The following SUCLG2 variants were observed in gnomAD, a reference collection of about 807,000 sequenced individuals.
The protein encoded by SUCLG2 is succinate-CoA ligase GDP-forming subunit beta, also known as succinate--CoA ligase [GDP-forming] subunit beta, mitochondrial.
Under a neutral mutation model 47.9 loss-of-function variants are expected in SUCLG2, and 42 were observed. The observed-to-expected ratio is 0.88, with a 90% confidence interval of 0.69 to 1.14. The LOEUF (loss-of-function observed/expected upper bound fraction) is 1.14, where lower values mean the gene tolerates loss of function less well. Ranked by LOEUF, SUCLG2 falls within the 50% of genes most tolerant of loss-of-function variation. SUCLG2 has a pLI of 0.00. For synonymous variants in SUCLG2, 195 were observed against 197.3 expected (o/e 0.99, Z 0.10); for missense variants, 571 against 525.9 (o/e 1.09, Z -0.84).
intron 1 of SUCLG2, among the ~76,000 whole-genome samples, chr3:67,618,057 TCA>T (rs1400242496): frequency 6.6e-6 from 1 of 152,112 alleles, no homozygotes; most frequent in African/African-American, 2.4e-5. Flanking sequence ...CACTCAACAA[TCA>T]CAGAAAAAGA....
chr3:67,376,734 T>C (rs1702041166), intron 10 of SUCLG2, among the ~76,000 whole-genome samples: 1 of 152,104 alleles, frequency 6.6e-6, no homozygotes, highest in Admixed American at 6.5e-5. Flanking sequence ...AATGGGTGGA[T>C]TGAAAAGATG....
intron 1 of SUCLG2, among the ~76,000 whole-genome samples, chr3:67,621,927 C>T (rs1559600892): frequency 6.6e-6 from 1 of 152,192 alleles, no homozygotes; most frequent in African/African-American, 2.4e-5. Context: ...CATTTCTGCA[C>T]ATCATTCCAC....
At chr3:67,507,567 A>C (rs1175991050) in intron 7 of SUCLG2, among the ~76,000 whole-genome samples, 1 of 152,196 alleles carries the variant, frequency 6.6e-6, no homozygotes, top group Non-Finnish European at 1.5e-5. Flanking sequence ...AGGCAGGCTA[A>C]ATAACTTGCC....
At chr3:67,552,137 C>T (rs932818279) in intron 2 of SUCLG2, among the ~76,000 whole-genome samples, 3 of 140,586 alleles carry the variant, frequency 2.1e-5, no homozygotes, top group African/African-American at 8.2e-5. Context: ...AAAACACTTG[C>T]ACTCCAGCCT....
intron 1 of SUCLG2, among the ~76,000 whole-genome samples, chr3:67,640,358 A>C (rs1701078932): frequency 6.6e-6 from 1 of 152,226 alleles, no homozygotes; most frequent in African/African-American, 2.4e-5. Flanking sequence ...TGAATGTTAA[A>C]CAGAGTTTAG....
intron 1 of SUCLG2, among the ~76,000 whole-genome samples, chr3:67,642,316 G>A (rs945513761): frequency 2.0e-5 from 3 of 152,122 alleles, no homozygotes; most frequent in African/African-American, 7.2e-5. Context: ...TTTAAAATGG[G>A]CTTAGTAGCT....
rs113924657 is a variant in SUCLG2 at position 67,601,732 on chromosome 3, A to C, written c.226+7723T>G. Among the ~76,000 whole-genome samples, 1,021 of 152,308 alleles carry C rather than the reference A, an allele frequency of 6.7e-3. 11 individuals are homozygous for C. The highest frequency in any genetic ancestry group is 0.023 in the African/African-American group (945 of 41,576). On this transcript the variant is annotated intron_variant, in intron 2 of 10. Coordinates refer to ENST00000307227, the MANE Select transcript of SUCLG2 (RefSeq NM_003848.4). Reference sequence around the variant, plus strand: ...TTCCCAACTTGGCCTCCCAAAGGCCAGCAATTTGGGAGGTCAAAGTGGGAA... The same window carrying C: ...TTCCCAACTTGGCCTCCCAAAGGCCCGCAATTTGGGAGGTCAAAGTGGGAA...
chr3:67,458,416 G>A (rs980585494), intron 9 of SUCLG2, among the ~76,000 whole-genome samples: 2 of 152,138 alleles, frequency 1.3e-5, no homozygotes, highest in Non-Finnish European at 2.9e-5. Flanking sequence ...CGAGGGGGTA[G>A]GGCTTTACTG....
chr3:67,421,167 C>A (rs1432360375), intron 9 of SUCLG2, among the ~76,000 whole-genome samples: 1 of 152,074 alleles, frequency 6.6e-6, no homozygotes, highest in Non-Finnish European at 1.5e-5. Context: ...TCTGACCATG[C>A]AGCTTACCCA....
chr3:67,446,417 ATTTTTTTTTTT>A (rs750956324), intron 9 of SUCLG2, among the ~76,000 whole-genome samples: 2,004 of 32,104 alleles, frequency 0.062, 21 homozygotes, highest in East Asian at 0.22. Context: ...ACATATGTAC[ATTTTTTTTTTT>A]TTTTTTTTTT....
intron 9 of SUCLG2, among the ~76,000 whole-genome samples, chr3:67,442,212 G>A (rs1270295766): frequency 3.3e-5 from 5 of 151,572 alleles, no homozygotes; most frequent in Non-Finnish European, 7.4e-5. Context: ...GGGTTTCACC[G>A]TTTTAGCCGG....
chr3:67,571,929 A>AT (rs1707623482), intron 2 of SUCLG2, among the ~76,000 whole-genome samples: 1 of 152,114 alleles, frequency 6.6e-6, no homozygotes, highest in Non-Finnish European at 1.5e-5. Flanking sequence ...TTGTGTGTCC[A>AT]TTTTCTTCAG....
chr3:67,490,207 A>T (rs907412545), intron 9 of SUCLG2, among the ~76,000 whole-genome samples: 7 of 152,234 alleles, frequency 4.6e-5, no homozygotes, highest in Non-Finnish European at 1.0e-4. Context: ...ATACGCATGT[A>T]TCTGAAAGAA....
chr3:67,457,026 A>G (rs888486399), intron 9 of SUCLG2, among the ~76,000 whole-genome samples: 8 of 152,246 alleles, frequency 5.3e-5, no homozygotes, highest in African/African-American at 1.9e-4. Context: ...GCAAAAAGAA[A>G]AACATTCAAG....
intron 2 of SUCLG2, among the ~76,000 whole-genome samples, chr3:67,584,968 G>A (rs1319202439): frequency 2.0e-5 from 3 of 152,124 alleles, no homozygotes; most frequent in Admixed American, 2.0e-4. Context: ...AATTCAAGAT[G>A]AGATTTAGGT....
At chr3:67,522,058 T>C (rs1000995590) in intron 4 of SUCLG2, among the ~76,000 whole-genome samples, 19 of 152,106 alleles carry the variant, frequency 1.2e-4, no homozygotes, top group African/African-American at 4.6e-4. Context: ...ATTTATTTAT[T>C]TGTTTATTCA....
intron 2 of SUCLG2, among the ~76,000 whole-genome samples, chr3:67,560,433 T>C (rs1479033413): frequency 1.3e-5 from 2 of 152,134 alleles, no homozygotes; most frequent in East Asian, 3.9e-4. Context: ...GAAATAAATA[T>C]AGCCATGTTA....
intron 9 of SUCLG2, among the ~76,000 whole-genome samples, chr3:67,471,151 T>C (rs1704596007): frequency 6.6e-6 from 1 of 152,206 alleles, no homozygotes; most frequent in African/African-American, 2.4e-5. Context: ...GAAAGAGTTA[T>C]TGGAGAAATG....
rs575157348 is a variant in SUCLG2, at chr3:67,547,753, C to T, written c.227-18567G>A. 2.7e-5 allele frequency among the ~76,000 whole-genome samples: 4 copies of T among 149,670 alleles called. No homozygotes were observed. The South Asian group carries it at 8.3e-4, about 31-fold the overall frequency. On this transcript the variant is annotated intron_variant, in intron 2 of 10. Transcript: ENST00000307227. The stretch of plus-strand genomic sequence containing the variant: ...CTAAATTAACACTGACTTGGGAATG[C>T]TACCAAGTCTAACAAAGCAGATGCC...
Sources: gnomAD v4.1 joint callset for allele counts (sites outside exome capture counted in the v4.1 genomes callset) on GRCh38, gnomAD v4.1.1 for gene constraint, MANE v1.5 for transcripts, NCBI Gene and HGNC (gene_info 2026-07-23, HGNC 2026-07-21) for gene names.